PTPRK: variants seen among roughly 807,000 people sequenced by gnomAD.
The protein encoded by PTPRK is receptor-type tyrosine-protein phosphatase kappa.
PTPRK carries 75 observed loss-of-function variants against 178.0 expected under a neutral mutation model. The observed-to-expected ratio is 0.42, with a 90% CI of 0.35 to 0.51. The LOEUF (loss-of-function observed/expected upper bound fraction) is 0.51, where lower values mean the gene tolerates loss of function less well. PTPRK is among the 20% of genes least tolerant of loss of function. PTPRK has a pLI of 0.02. For synonymous variants in PTPRK, 637 were observed against 620.6 expected, an observed-to-expected ratio of 1.03 and a Z score of -0.39; for missense variants, 1,441 against 1,797.8, an observed-to-expected ratio of 0.80 and a Z score of 3.59.
At chr6:128,119,773 T>A (rs1429457841) in intron 7 of PTPRK, among the ~76,000 whole-genome samples, 1 of 152,006 alleles carries the variant, frequency 6.6e-6, no homozygotes. Flanking sequence ...GAGAATAGCT[T>A]CAAAAATATT....
chr6:127,977,509 C>CT (rs1774742041), intron 25 of PTPRK, among the ~76,000 whole-genome samples: 1 of 152,064 alleles, frequency 6.6e-6, no homozygotes, highest in Non-Finnish European at 1.5e-5. Context: ...AGTGTGTGTG[C>CT]GTGCAAGTAA....
intron 15 of PTPRK, 28 bp from the exon 16 acceptor site, chr6:127,998,932 A>G (rs1777488517): frequency 6.7e-7 from 1 of 1,492,894 alleles, no homozygotes; most frequent in African/African-American, 1.4e-5. Flanking sequence ...TCAGAAGATT[A>G]AAAAAGAGAC....
At chr6:128,000,005 G>C in intron 15 of PTPRK, 1 of 940,610 alleles carries the variant, frequency 1.1e-6, no homozygotes, top group African/African-American at 1.8e-5. Context: ...AGAATAAACA[G>C]TACTTTAATG....
At chr6:128,229,602 C>T (rs1257446297) in intron 5 of PTPRK, among the ~76,000 whole-genome samples, 1 of 152,062 alleles carries the variant, frequency 6.6e-6, no homozygotes, top group Non-Finnish European at 1.5e-5. Flanking sequence ...AAACATCTCA[C>T]AGTACCAGGT....
chr6:128,463,231 A>G (rs1282816305), intron 1 of PTPRK, among the ~76,000 whole-genome samples: 1 of 152,182 alleles, frequency 6.6e-6, no homozygotes, highest in East Asian at 1.9e-4. Context: ...TTTATTCACA[A>G]CTAGAAAAGT....
intron 7 of PTPRK, among the ~76,000 whole-genome samples, chr6:128,129,821 T>G (rs570672706): frequency 4.6e-5 from 7 of 152,214 alleles, no homozygotes; most frequent in Non-Finnish European, 1.0e-4. Context: ...GTATATACTT[T>G]ATTGTCATTT....
intron 1 of PTPRK, among the ~76,000 whole-genome samples, chr6:128,464,656 T>TATATATACACAC (rs1849598913): frequency 9.7e-6 from 1 of 102,776 alleles, no homozygotes; most frequent in African/African-American, 4.6e-5. Context: ...TATATATATA[T>TATATATACACAC]ATATATATAT....
intron 7 of PTPRK, among the ~76,000 whole-genome samples, chr6:128,159,405 A>T (rs1798370168): frequency 2.0e-5 from 3 of 151,794 alleles, no homozygotes. Flanking sequence ...CTTCTGGTTT[A>T]TTTCCCAGTA....
At position 128,059,263 on chromosome 6, in the gene PTPRK, C is replaced by A. The variant is rs899652069; in HGVS notation, c.2194+5495G>T. On this transcript the variant is annotated intron_variant, in intron 13 of 29. Transcript: ENST00000368226. ...TTTCACCAATATTGAATCTTCTAATCCATGAACATGGTGTGCCATCCCATT... is the reference window on the plus strand; with the variant it reads ...TTTCACCAATATTGAATCTTCTAATACATGAACATGGTGTGCCATCCCATT... Among the ~76,000 whole-genome samples the A allele has an allele frequency of 2.6e-5, 4 of 152,188 alleles. No homozygotes were observed. The East Asian group carries it at 7.7e-4, about 29-fold the overall frequency.
At chr6:128,394,370 C>T (rs1382619031) in intron 2 of PTPRK, among the ~76,000 whole-genome samples, 2 of 152,162 alleles carry the variant, frequency 1.3e-5, no homozygotes, top group African/African-American at 4.8e-5. Context: ...ATACTCAGTC[C>T]TGCTGGGCTT....
intron 7 of PTPRK, among the ~76,000 whole-genome samples, chr6:128,151,685 TG>T (rs1797271029): frequency 6.6e-6 from 1 of 152,070 alleles, no homozygotes; most frequent in African/African-American, 2.4e-5. Context: ...AGGCTTCCAC[TG>T]TAGAGAACGT....
chr6:127,996,688 C>T (rs1469777739), intron 17 of PTPRK, among the ~76,000 whole-genome samples: 1 of 152,118 alleles, frequency 6.6e-6, no homozygotes, highest in African/African-American at 2.4e-5. Flanking sequence ...CCAGGCTGGT[C>T]TCAACCTCCT....
intron 29 of PTPRK, among the ~76,000 whole-genome samples, chr6:127,972,365 A>T (rs1413714643): frequency 6.6e-6 from 1 of 152,210 alleles, no homozygotes; most frequent in Non-Finnish European, 1.5e-5. Context: ...ATCTCTCGTT[A>T]GAAGTAAAAT....
chr6:128,097,107 G>C (rs1241081961), intron 7 of PTPRK, among the ~76,000 whole-genome samples: 4 of 152,262 alleles, frequency 2.6e-5, no homozygotes, highest in Middle Eastern at 3.4e-3. Flanking sequence ...TTGAGTTAAT[G>C]ATAAGTCGGT....
intron 7 of PTPRK, among the ~76,000 whole-genome samples, chr6:128,118,758 T>A (rs1273074096): frequency 6.6e-6 from 1 of 152,180 alleles, no homozygotes; most frequent in African/African-American, 2.4e-5. Context: ...TTGAGAAATC[T>A]GCCACACATT....
At chr6:128,005,557 C>T (rs1053735859) in intron 14 of PTPRK, among the ~76,000 whole-genome samples, 7 of 149,272 alleles carry the variant, frequency 4.7e-5, no homozygotes, top group African/African-American at 1.5e-4. Flanking sequence ...TACCTCCTTA[C>T]TAGAGTAATT....
At chr6:128,218,584 G>A (rs546895027) in intron 6 of PTPRK, among the ~76,000 whole-genome samples, 88 of 152,290 alleles carry the variant, frequency 5.8e-4, no homozygotes, top group Middle Eastern at 3.4e-3. Context: ...AGTAGTATCC[G>A]CAGAACTGTT....
intron 3 of PTPRK, among the ~76,000 whole-genome samples, chr6:128,271,185 A>G (rs548214264): frequency 6.6e-6 from 1 of 152,162 alleles, no homozygotes; most frequent in Non-Finnish European, 1.5e-5. Context: ...AGTCTTCTGT[A>G]GTCAATCCAA....
At chr6:128,184,952 C>A (rs1802517101) in intron 6 of PTPRK, among the ~76,000 whole-genome samples, 1 of 151,876 alleles carries the variant, frequency 6.6e-6, no homozygotes, top group Non-Finnish European at 1.5e-5. Context: ...ATTAAAAACA[C>A]ATTTTTTTTC....
Sources: gnomAD v4.1 joint callset for allele counts (sites outside exome capture counted in the v4.1 genomes callset) on GRCh38, gnomAD v4.1.1 for gene constraint, MANE v1.5 for transcripts, NCBI Gene and HGNC (gene_info 2026-07-23, HGNC 2026-07-21) for gene names.